Variants in FAM118A observed in about 807,000 individuals in gnomAD.
FAM118A encodes the protein protein FAM118A.
FAM118A carries 25 observed loss-of-function variants against 38.2 expected under a neutral mutation model. The ratio of observed to expected loss-of-function variants is 0.65; its 90% CI spans 0.48 to 0.91. The LOEUF is 0.91. Among genes scored for constraint, FAM118A ranks in the 40% least tolerant of loss-of-function variants. FAM118A has a pLI of 0.00. For synonymous variants in FAM118A, 178 were observed against 184.1 expected, an observed-to-expected ratio of 0.97 and a Z score of 0.27; for missense variants, 425 against 463.3, an observed-to-expected ratio of 0.92 and a Z score of 0.76.
intron 8 of FAM118A, among the ~76,000 whole-genome samples, chr22:45,338,969 C>T (rs767775859): frequency 1.3e-5 from 2 of 152,150 alleles, no homozygotes; most frequent in Non-Finnish European, 2.9e-5. Flanking sequence ...ATAGCACAAG[C>T]GAGGGCTGGT....
Position 45,324,742 on chromosome 22 carries a change from G to C in FAM118A, c.300+1315G>C, listed in dbSNP as rs372586172. Among the ~76,000 whole-genome samples the C allele has an allele frequency of 6.6e-5, 10 of 152,270 alleles. No homozygotes were observed. In the East Asian group the frequency reaches 1.9e-3, roughly 29 times the overall value. On this transcript the variant is annotated intron_variant, in intron 3 of 8. Coordinates refer to ENST00000441876, the MANE Select transcript of FAM118A (RefSeq NM_017911.4). ...GAACAGAGACTTTCTGGCCCACAAG[G>C]CCTAAAATACTTCCTCTCTGAGGCA...
chr22:45,336,023 C>T (rs750393968), intron 7 of FAM118A, among the ~76,000 whole-genome samples: 37 of 152,190 alleles, frequency 2.4e-4, no homozygotes, highest in Non-Finnish European at 3.5e-4. Flanking sequence ...AAACGCGCAT[C>T]GATGTGGGAG....
At chr22:45,322,285 A>T in intron 1 of FAM118A, 86 bp from the exon 2 acceptor site, 1 of 1,585,772 alleles carries the variant, frequency 6.3e-7, no homozygotes, top group Non-Finnish European at 8.6e-7. Context: ...TTTGATTTTA[A>T]TTCTAGCCTT....
At chr22:45,324,668 C>T (rs1485115020) in intron 3 of FAM118A, among the ~76,000 whole-genome samples, 1 of 152,220 alleles carries the variant, frequency 6.6e-6, no homozygotes, top group Non-Finnish European at 1.5e-5. Flanking sequence ...CATTCATTTA[C>T]GTATAGTACG....
At position 45,332,493 on chromosome 22, in the gene FAM118A, T is replaced by C; in HGVS notation, c.720T>C (p.Asp240=). Residue 240 remains aspartate, a synonymous_variant, in exon 6 of 9, where the codon GAT becomes GAC. Coordinates refer to ENST00000441876, the MANE Select transcript of FAM118A (RefSeq NM_017911.4). The stretch of plus-strand genomic sequence containing the variant: ...TGGGCTGTGGGGAGACCCTTCGTGA[T>C]CAGATATTCCAGGCCCTCTTTCTTT... The part of the protein sequence containing the change: ...LFVGCGETLR[D]QIFQALFLYS... 2 of 1,614,210 alleles carry C rather than the reference T, an allele frequency of 1.2e-6. No homozygotes were observed. The highest frequency in any genetic ancestry group is 8.5e-7 in the Non-Finnish European group (1 of 1,180,038).
At chr22:45,339,990 G>A (rs1259382735) in intron 8 of FAM118A, among the ~76,000 whole-genome samples, 1 of 152,240 alleles carries the variant, frequency 6.6e-6, no homozygotes, top group African/African-American at 2.4e-5. Flanking sequence ...GCCCTGGCCT[G>A]TCCTGCATGT....
At chr22:45,323,856 G>A (rs2085063955) in intron 3 of FAM118A, among the ~76,000 whole-genome samples, 1 of 152,254 alleles carries the variant, frequency 6.6e-6, no homozygotes, top group Admixed American at 6.5e-5. Flanking sequence ...CTGCTGCAGA[G>A]ATGATCTAGA....
chr22:45,319,123 T>C lies in FAM118A; in HGVS notation c.-9-3248T>C, dbSNP rs547530240. ...TTGAATTTGTAACCATAATCACTTA[T>C]ATGTGGAGAATCGAAAGCAATTGAA... On this transcript the variant is annotated intron_variant, in intron 1 of 8. Coordinates refer to ENST00000441876, the MANE Select transcript of FAM118A (RefSeq NM_017911.4). Among the ~76,000 whole-genome samples, 61 of 152,348 alleles carry C rather than the reference T, an allele frequency of 4.0e-4. 1 individual carries two copies. In the South Asian group the frequency reaches 7.7e-3, roughly 19 times the overall value.
intron 7 of FAM118A, among the ~76,000 whole-genome samples, chr22:45,335,685 T>C (rs1417821281): frequency 6.6e-6 from 1 of 152,232 alleles, no homozygotes; most frequent in Non-Finnish European, 1.5e-5. Flanking sequence ...TCTATTTGTG[T>C]GATACCATGT....
intron 5 of FAM118A, among the ~76,000 whole-genome samples, chr22:45,332,059 C>T (rs2085757961): frequency 6.6e-6 from 1 of 152,190 alleles, no homozygotes; most frequent in African/African-American, 2.4e-5. Flanking sequence ...TAAAATCGTA[C>T]CCAATTTGAG....
At chr22:45,322,063 G>A (rs1366387324) in intron 1 of FAM118A, 15 of 636,652 alleles carry the variant, frequency 2.4e-5, no homozygotes, top group South Asian at 3.7e-5. Context: ...AAGAGACAGC[G>A]AAAACCCCAG....
chr22:45,329,706 G>A (rs1004487172), intron 4 of FAM118A: 1 of 152,410 alleles, frequency 6.6e-6, no homozygotes, highest in African/African-American at 2.4e-5. Flanking sequence ...CACTCCTGCC[G>A]GTAGTGCCAT....
chr22:45,336,342 G>T lies in FAM118A; in HGVS notation c.985G>T (p.Asp329Tyr). ...STTLLGNACQ[D>Y]CAKRKLEENG... ...TTCTCTTTTAGGTAATGCATGCCAG[G>T]ACTGTGCAAAGAGGAAGTTAGAAGA... The change falls in exon 8 of 9, where the codon GAC (aspartate) becomes TAC (tyrosine). Residue 329 changes from aspartate to tyrosine, a missense_variant. Asp to Tyr is a radical substitution (Grantham distance 160, BLOSUM62 -3). Transcript: ENST00000441876. 1.2e-6 allele frequency: 2 copies of T among 1,613,810 alleles called. No homozygotes were observed. Among genetic ancestry groups the T allele is most frequent in the Non-Finnish European group, 8.5e-7 (1 of 1,179,740 alleles).
chr22:45,328,709 G>A lies in FAM118A; in HGVS notation c.522+646G>A, dbSNP rs1485856383. On this transcript the variant is annotated intron_variant, in intron 4 of 8. Transcript: ENST00000441876. The stretch of plus-strand genomic sequence containing the variant: ...GAGGCAGGAGAATAGCTGGAACTGG[G>A]AGGGAGATGGTTGCAGTGAGCTGAG... The A allele has an allele frequency of 1.3e-5, 7 of 546,820 alleles. No individual in the cohort carries two copies. In the South Asian group the frequency reaches 1.5e-4, roughly 12 times the overall value. The allele number at this position is 546,820 out of a possible 1,614,324, so 33.9% of individuals were successfully genotyped here.
chr22:45,319,306 TAGAC>T (rs932309209), intron 1 of FAM118A, among the ~76,000 whole-genome samples: 6 of 152,086 alleles, frequency 3.9e-5, no homozygotes, highest in Admixed American at 2.6e-4. Context: ...GCCCTTCTCA[TAGAC>T]AGGGAGGAGT....
At position 45,327,952 on chromosome 22, in the gene FAM118A, G is replaced by C. The variant is rs2085409300; in HGVS notation, c.411G>C (p.Leu137=). 1 of 1,614,092 alleles carries C rather than the reference G, an allele frequency of 6.2e-7. No individual in the cohort carries two copies. Among genetic ancestry groups the C allele is most frequent in the South Asian group, 1.1e-5 (1 of 91,088 alleles). The change falls in exon 4 of 9, where the codon CTG becomes CTC. Residue 137 remains leucine (L), a synonymous_variant. Coordinates refer to ENST00000441876, the MANE Select transcript of FAM118A (RefSeq NM_017911.4). ...TGGTGCTGCAGTCGATCCTCAGCCT[G>C]ATGGACAGGGGCGCCATGGTCCTGA... is the stretch of plus-strand genomic sequence containing the variant. ...SPVVLQSILS[L]MDRGAMVLTT...
intron 4 of FAM118A, chr22:45,329,653 G>A (rs763071503): frequency 1.3e-5 from 2 of 152,372 alleles, no homozygotes; most frequent in Admixed American, 6.5e-5. Context: ...CAGTGTACAC[G>A]GGGGCAGGGC....
At chr22:45,330,580 T>C in intron 4 of FAM118A, 23 bp from the exon 5 acceptor site, 1 of 1,501,666 alleles carries the variant, frequency 6.7e-7, no homozygotes, top group Non-Finnish European at 8.9e-7. Context: ...TGTGTTTCTT[T>C]TTCTTGGCTT....
chr22:45,323,117 T>C (rs2084999727), intron 2 of FAM118A, 58 bp from the exon 3 acceptor site: 6 of 1,592,672 alleles, frequency 3.8e-6, no homozygotes, highest in Non-Finnish European at 5.1e-6. Context: ...TTCCAGACTT[T>C]GTGTTTGCAA....
Sources: gnomAD v4.1 joint callset for allele counts (sites outside exome capture counted in the v4.1 genomes callset) on GRCh38, gnomAD v4.1.1 for gene constraint, MANE v1.5 for transcripts, NCBI Gene and HGNC (gene_info 2026-07-23, HGNC 2026-07-21) for gene names.